Variants in HIVEP1 observed in about 807,000 individuals in gnomAD.
HIVEP1 encodes the protein zinc finger protein 40.
Under a neutral mutation model 180.0 loss-of-function variants are expected in HIVEP1, and 36 were observed. The observed-to-expected ratio is 0.20, with a 90% CI of 0.15 to 0.26. HIVEP1 has a LOEUF of 0.26. Among genes scored for constraint, HIVEP1 ranks in the 10% least tolerant of loss-of-function variants. The pLI is 1.00. For synonymous variants in HIVEP1, 1,239 were observed against 1,239.0 expected (o/e 1.00, Z 0.00); for missense variants, 3,143 against 3,268.7 (o/e 0.96, Z 0.94).
intron 2 of HIVEP1, 86 bp from the exon 3 acceptor site, chr6:12,089,098 A>C (rs1175474211): frequency 2.9e-6 from 2 of 683,198 alleles, no homozygotes; most frequent in Non-Finnish European, 5.1e-6. Flanking sequence ...GGTATCTGAC[A>C]CTGTTTAAAA....
intron 2 of HIVEP1, among the ~76,000 whole-genome samples, chr6:12,033,994 G>A (rs546859754): frequency 5.9e-5 from 9 of 152,312 alleles, no homozygotes; most frequent in Non-Finnish European, 1.2e-4. Context: ...GATTGGATGG[G>A]ATTAAGCAGA....
chr6:12,020,395 G>A (rs1768105540), intron 2 of HIVEP1: 4 of 471,058 alleles, frequency 8.5e-6, no homozygotes, highest in Middle Eastern at 3.2e-4. Flanking sequence ...GGACTGCACG[G>A]GGTGGCTCTT....
At chr6:12,126,043 A>C (rs1758050453) in intron 4 of HIVEP1, among the ~76,000 whole-genome samples, 173 bp downstream of exon 4, 1 of 152,224 alleles carries the variant, frequency 6.6e-6, no homozygotes, top group African/African-American at 2.4e-5. Context: ...TTACATTGAT[A>C]AGAGTTACCA....
At chr6:12,022,825 G>A (rs1195483222) in intron 2 of HIVEP1, among the ~76,000 whole-genome samples, 2 of 152,166 alleles carry the variant, frequency 1.3e-5, no homozygotes, top group Non-Finnish European at 2.9e-5. Context: ...TCCCATTCTT[G>A]TTCTGACTAT....
chr6:12,031,611 G>A, intron 2 of HIVEP1, among the ~76,000 whole-genome samples: 1 of 152,248 alleles, frequency 6.6e-6, no homozygotes, highest in African/African-American at 2.4e-5. Context: ...TCCCCTCTTG[G>A]TTGAACCCTG....
At chr6:12,054,225 A>G (rs1222329108) in intron 2 of HIVEP1, among the ~76,000 whole-genome samples, 1 of 152,232 alleles carries the variant, frequency 6.6e-6, no homozygotes, top group Non-Finnish European at 1.5e-5. Flanking sequence ...GATTGATACC[A>G]AGGTTTATGC....
At chr6:12,058,540 A>C (rs572360607) in intron 2 of HIVEP1, among the ~76,000 whole-genome samples, 187 of 152,336 alleles carry the variant, frequency 1.2e-3, no homozygotes, top group African/African-American at 4.3e-3. Flanking sequence ...GATATTAGAG[A>C]TATAAAAATG....
chr6:12,205,339 C>T, the HIVEP1 span, among the ~76,000 whole-genome samples: 1 of 152,090 alleles, frequency 6.6e-6, no homozygotes, highest in Non-Finnish European at 1.5e-5. Flanking sequence ...GGCTTGGTGG[C>T]AGGCGCCTGT....
At position 12,125,476 on chromosome 6, in the gene HIVEP1, A is replaced by T. The variant is rs564411729; in HGVS notation, c.5681A>T (p.Glu1894Val). 3 of 1,614,104 alleles carry T rather than the reference A, an allele frequency of 1.9e-6. No individual in the cohort carries two copies. The South Asian group carries it at 3.3e-5, about 18-fold the overall frequency. Reference protein sequence around the residue: ...SPLKCTDNNQERKSPGVKNQG... With the variant: ...SPLKCTDNNQVRKSPGVKNQG... ...TTGAAATGTACAGACAATAACCAAG[A>T]AAGGAAGTCTCCAGGGGTTAAAAAT... Residue 1894 changes from glutamate (E) to valine (V), a missense_variant, in exon 4 of 9, where the codon GAA becomes GTA. By Grantham distance (121) the Glu-to-Val change is moderately radical (BLOSUM62 -2). Coordinates refer to ENST00000379388, the MANE Select transcript of HIVEP1 (RefSeq NM_002114.4).
chr6:12,054,713 G>A (rs1581590507), intron 2 of HIVEP1, among the ~76,000 whole-genome samples: 2 of 151,956 alleles, frequency 1.3e-5, no homozygotes, highest in Non-Finnish European at 2.9e-5. Context: ...TTTGGTTATC[G>A]TGGAACCTCT....
rs1194913310 is a variant in HIVEP1 at position 12,012,493 on chromosome 6, G to C, written c.-177G>C. The C allele has an allele frequency of 1.3e-5, 2 of 150,428 alleles. No individual in the cohort carries two copies. Among genetic ancestry groups the C allele is most frequent in the South Asian group, 2.0e-4 (1 of 5,058 alleles). The allele number at this position is 150,428 out of a possible 1,614,324, so 9.3% of individuals were successfully genotyped here. On this transcript the variant is annotated 5_prime_UTR_variant, in exon 1 of 9. Coordinates refer to ENST00000379388, the MANE Select transcript of HIVEP1 (RefSeq NM_002114.4). ...GGGGGTCGCGGAGATCCCGAGCCGC[G>C]GCCGCCGCCATCAGCAGCGCAGCTC... is the stretch of plus-strand genomic sequence containing the variant.
chr6:12,123,065 C>G lies in HIVEP1; in HGVS notation c.3270C>G (p.Asn1090Lys). ...AGCATAAAAATATACAGTTGCAAAACTCCCATATTCACCTTGTTGCCAGGG... is the reference window on the plus strand; with the variant it reads ...AGCATAAAAATATACAGTTGCAAAAGTCCCATATTCACCTTGTTGCCAGGG... ...DQQHKNIQLQ[N>K]SHIHLVARGP... The change falls in exon 4 of 9, where the codon AAC becomes AAG. Residue 1090 changes from asparagine to lysine, a missense_variant. By Grantham distance (94) the Asn-to-Lys change is moderately conservative (BLOSUM62 0). Coordinates refer to ENST00000379388, the MANE Select transcript of HIVEP1 (RefSeq NM_002114.4). The G allele has an allele frequency of 6.2e-7, 1 of 1,614,158 alleles. No homozygotes were observed. The highest frequency in any genetic ancestry group is 8.5e-7 in the Non-Finnish European group (1 of 1,180,032).
downstream of HIVEP1, among the ~76,000 whole-genome samples, chr6:12,167,820 G>C (rs966228861): frequency 6.9e-6 from 1 of 143,978 alleles, no homozygotes; most frequent in Non-Finnish European, 1.5e-5. Flanking sequence ...ATAGATGTGC[G>C]TATATAATAT....
intron 7 of HIVEP1, among the ~76,000 whole-genome samples, 163 bp from the exon 8 acceptor site, chr6:12,161,276 A>G (rs1760377931): frequency 6.6e-6 from 1 of 152,048 alleles, no homozygotes; most frequent in South Asian, 2.1e-4. Flanking sequence ...CAACTGTCTT[A>G]TTCTTCCCCA....
At chr6:12,188,266 T>C in the HIVEP1 span, among the ~76,000 whole-genome samples, 9 of 152,348 alleles carry the variant, frequency 5.9e-5, no homozygotes, top group Non-Finnish European at 4.4e-5. Flanking sequence ...TGTTTTACCA[T>C]ATTAATGTTA....
At chr6:12,073,979 G>A (rs756094125) in intron 2 of HIVEP1, among the ~76,000 whole-genome samples, 61 of 152,154 alleles carry the variant, frequency 4.0e-4, no homozygotes, top group Non-Finnish European at 7.5e-4. Flanking sequence ...ACTACTGCTG[G>A]GAACAAAAGT....
At chr6:12,042,120 G>C (rs183189779) in intron 2 of HIVEP1, among the ~76,000 whole-genome samples, 24 of 146,018 alleles carry the variant, frequency 1.6e-4, no homozygotes, top group Admixed American at 2.7e-4. Flanking sequence ...TCGCCAAGGC[G>C]GGACTGCGGA....
intron 3 of HIVEP1, among the ~76,000 whole-genome samples, chr6:12,096,656 A>G (rs146114566): frequency 1.3e-5 from 2 of 152,128 alleles, no homozygotes; most frequent in African/African-American, 2.4e-5. Context: ...TACCACACAT[A>G]ACATTTTTTA....
In HIVEP1 at chr6:12,123,945, A is replaced by C; in HGVS notation, c.4150A>C (p.Arg1384=). 1 of 1,614,186 alleles carries C rather than the reference A, an allele frequency of 6.2e-7. No individual in the cohort carries two copies. The highest frequency in any genetic ancestry group is 8.5e-7 in the Non-Finnish European group (1 of 1,180,016). The stretch of plus-strand genomic sequence containing the variant: ...AACGTCAATGGAGGTCTCTGATCTC[A>C]GAAGCAAATCATTCGATTGTGGAAG... ...TQTSMEVSDL[R]SKSFDCGSIT... The change falls in exon 4 of 9, where the codon AGA becomes CGA. Residue 1384 remains arginine (R), a synonymous_variant. Coordinates refer to ENST00000379388, the MANE Select transcript of HIVEP1 (RefSeq NM_002114.4).
Sources: gnomAD v4.1 joint callset for allele counts (sites outside exome capture counted in the v4.1 genomes callset) on GRCh38, gnomAD v4.1.1 for gene constraint, MANE v1.5 for transcripts, NCBI Gene and HGNC (gene_info 2026-07-23, HGNC 2026-07-21) for gene names.